The following SPRR4 variants were observed in gnomAD, a reference collection of about 807,000 sequenced individuals.
SPRR4 encodes the protein small proline rich protein 4.
For synonymous variants in SPRR4, 30 were observed against 34.3 expected, an observed-to-expected ratio of 0.87 and a Z score of 0.44; for missense variants, 106 against 91.6, an observed-to-expected ratio of 1.16 and a Z score of -0.64.
At chr1:152,970,005 C>G (rs1014060995), upstream of SPRR4, among the ~76,000 whole-genome samples, 1 of 152,150 alleles carries the variant, frequency 6.6e-6, no homozygotes, top group South Asian at 2.1e-4. Context: ...TGAACTGTCC[C>G]CCTGGAATAG....
Position 152,972,286 on chromosome 1 carries a change from C to T in SPRR4, c.*156C>T, listed in dbSNP as rs539955881. ...AAGCATTGTAAGGATTTCTTCCCAT[C>T]GTACCCTTCCCCACACATACCACCT... On this transcript the variant is annotated 3_prime_UTR_variant, in exon 2 of 2. Coordinates refer to ENST00000328051, the MANE Select transcript of SPRR4 (RefSeq NM_173080.3). The T allele has an allele frequency of 9.3e-5, 117 of 1,255,028 alleles. No homozygotes were observed. The highest frequency in any genetic ancestry group is 4.7e-4 in the Admixed American group (19 of 40,604). The allele number at this position is 1,255,028 out of a possible 1,614,324, so 77.7% of individuals were successfully genotyped here.
upstream of SPRR4, among the ~76,000 whole-genome samples, chr1:152,970,349 T>C (rs73010446): frequency 0.016 from 2,491 of 152,312 alleles, 71 homozygotes; most frequent in African/African-American, 0.056. Context: ...TCAATATTTC[T>C]TATAACTGTC....
upstream of SPRR4, among the ~76,000 whole-genome samples, chr1:152,968,834 C>A (rs1023802472): frequency 9.2e-5 from 14 of 152,218 alleles, no homozygotes; most frequent in Admixed American, 7.8e-4. Flanking sequence ...TGTTCACAGG[C>A]AATACACACA....
At position 152,971,988 on chromosome 1, in the gene SPRR4, A is replaced by C. The variant is rs754195164; in HGVS notation, c.98A>C (p.Lys33Thr). ...CAGCCTTGTCAGCCACCCCCTGTTA[A>C]ATGTCAAGAGACATGTGCACCCAAA... ...VKQPCQPPPVKCQETCAPKTK... is the reference protein window; with the variant it reads ...VKQPCQPPPVTCQETCAPKTK... Residue 33 changes from lysine (K) to threonine (T), a missense_variant, in exon 2 of 2, where the codon AAA becomes ACA. Physicochemically the swap from Lys to Thr is moderately conservative, Grantham distance 78 (BLOSUM62 -1). Coordinates refer to ENST00000328051, the MANE Select transcript of SPRR4 (RefSeq NM_173080.3). The C allele has an allele frequency of 6.2e-7, 1 of 1,613,960 alleles. No individual in the cohort carries two copies. Among genetic ancestry groups the C allele is most frequent in the Admixed American group, 1.7e-5 (1 of 60,004 alleles).
In SPRR4 at chr1:152,972,162, C is replaced by T. The variant is rs1391204671; in HGVS notation, c.*32C>T. The T allele has an allele frequency of 1.2e-6, 2 of 1,613,116 alleles. No homozygotes were observed. The highest frequency in any genetic ancestry group is 1.7e-6 in the Non-Finnish European group (2 of 1,179,282). On this transcript the variant is annotated 3_prime_UTR_variant, in exon 2 of 2. Coordinates refer to ENST00000328051, the MANE Select transcript of SPRR4 (RefSeq NM_173080.3). The stretch of plus-strand genomic sequence containing the variant: ...ACTGGATATTACCATCATCCACCAT[C>T]CTGGCTACCAGATGGAACCTTCTCT...
chr1:152,969,949 C>T (rs796851228), upstream of SPRR4, among the ~76,000 whole-genome samples: 9 of 152,312 alleles, frequency 5.9e-5, no homozygotes, highest in African/African-American at 2.2e-4. Context: ...GCACCATTCA[C>T]ATCATCTTCT....
upstream of SPRR4, among the ~76,000 whole-genome samples, chr1:152,968,751 GA>G (rs1344317185): frequency 6.6e-5 from 10 of 152,218 alleles, no homozygotes; most frequent in Admixed American, 2.6e-4. Context: ...ATGAAATTGG[GA>G]AAAATAGGAG....
At chr1:152,970,876 C>T (rs748159673) in intron 1 of SPRR4, among the ~76,000 whole-genome samples, 182 bp downstream of exon 1, 13 of 152,108 alleles carry the variant, frequency 8.5e-5, no homozygotes, top group Non-Finnish European at 1.5e-4. Flanking sequence ...ATCTCCATTC[C>T]GCACCATTGC....
rs1428933554 is a variant in SPRR4 at position 152,972,538 on chromosome 1, C to T, written c.*408C>T. 3 of 210,040 alleles carry T rather than the reference C, an allele frequency of 1.4e-5. No homozygotes were observed. 13.0% of individuals were successfully genotyped at this position (210,040 alleles called of 1,614,324 possible). ...ATGCCCCCTGCTCTGGGCTTCTCTCCTGTTTTCCCCAATAAATATGTGCCT... is the reference window on the plus strand; with the variant it reads ...ATGCCCCCTGCTCTGGGCTTCTCTCTTGTTTTCCCCAATAAATATGTGCCT... On this transcript the variant is annotated 3_prime_UTR_variant, in exon 2 of 2. Transcript: ENST00000328051.
Position 152,971,880 on chromosome 1 carries a change from T to C in SPRR4, c.-11T>C. On this transcript the variant is annotated 5_prime_UTR_variant, in exon 2 of 2. Coordinates refer to ENST00000328051, the MANE Select transcript of SPRR4 (RefSeq NM_173080.3). Reference sequence around the variant, plus strand: ...GCCCGGTTTCCTTTAGGCTCACCTGTTCCTAGAGCAATGTCTTCCCAGCAG... The same window carrying C: ...GCCCGGTTTCCTTTAGGCTCACCTGCTCCTAGAGCAATGTCTTCCCAGCAG... The C allele has an allele frequency of 6.2e-7, 1 of 1,614,030 alleles. No individual in the cohort carries two copies. The highest frequency in any genetic ancestry group is 8.5e-7 in the Non-Finnish European group (1 of 1,179,984).
At chr1:152,970,485 G>A (rs1261582808), upstream of SPRR4, among the ~76,000 whole-genome samples, 3 of 152,212 alleles carry the variant, frequency 2.0e-5, no homozygotes, top group East Asian at 5.8e-4. Context: ...AAAATATATG[G>A]TGGGTGGCTT....
At chr1:152,970,162 G>A (rs1651788267), upstream of SPRR4, among the ~76,000 whole-genome samples, 1 of 152,142 alleles carries the variant, frequency 6.6e-6, no homozygotes, top group Non-Finnish European at 1.5e-5. Context: ...TGGTAACAAC[G>A]ACACTTTCCC....
Position 152,971,972 on chromosome 1 carries a change from CA to C in SPRR4, c.83del (p.Gln28ArgfsTer82). The C allele has an allele frequency of 6.2e-7, 1 of 1,614,086 alleles. No individual in the cohort carries two copies. The highest frequency in any genetic ancestry group is 2.2e-5 in the East Asian group (1 of 44,866). On this transcript the variant is annotated frameshift_variant, in exon 2 of 2. Transcript: ENST00000328051. LOFTEE classifies it low-confidence loss of function (END_TRUNC). ...AQQQQVKQPC[Q>X]PPPVKCQETC... is the part of the protein sequence containing the mutation. ...GCAGCAGCAAGTGAAGCAGCCTTGT[CA>C]GCCACCCCCTGTTAAATGTCAAGAG...
chr1:152,972,314 G>C lies in SPRR4; in HGVS notation c.*184G>C. ...ACCCTTCCCCACACATACCACCTTG[G>C]CTTCTTCTATATCCCACCCCGATGC... On this transcript the variant is annotated 3_prime_UTR_variant, in exon 2 of 2. Coordinates refer to ENST00000328051, the MANE Select transcript of SPRR4 (RefSeq NM_173080.3). 1 of 1,002,204 alleles carries C rather than the reference G, an allele frequency of 1.0e-6. No individual in the cohort carries two copies. The highest frequency in any genetic ancestry group is 1.5e-6 in the Non-Finnish European group (1 of 689,116). The allele number at this position is 1,002,204 out of a possible 1,614,324, so 62.1% of individuals were successfully genotyped here. A position where few individuals can be genotyped will look rare whatever the true frequency, so the allele number is the denominator to read the frequency against.
chr1:152,972,366 T>C lies in SPRR4; in HGVS notation c.*236T>C. ...CTCCCAGGTGGGTGTGAGAGAGACC[T>C]CATTCTCTGCAGGCTCCAGCGTGGC... On this transcript the variant is annotated 3_prime_UTR_variant, in exon 2 of 2. Transcript: ENST00000328051. The C allele has an allele frequency of 1.6e-6, 1 of 625,922 alleles. No individual in the cohort carries two copies. The highest frequency in any genetic ancestry group is 2.8e-6 in the Non-Finnish European group (1 of 361,738). The allele number at this position is 625,922 out of a possible 1,614,324, so 38.8% of individuals were successfully genotyped here.
At chr1:152,971,659 TG>T (rs1651851634) in intron 1 of SPRR4, among the ~76,000 whole-genome samples, 2 of 151,936 alleles carry the variant, frequency 1.3e-5, no homozygotes, top group African/African-American at 4.8e-5. Flanking sequence ...AGACTGTTTT[TG>T]TCCTCTCCTC....
chr1:152,972,309 C>A lies in SPRR4; in HGVS notation c.*179C>A. The A allele has an allele frequency of 9.5e-7, 1 of 1,054,704 alleles. No individual in the cohort carries two copies. Among genetic ancestry groups the A allele is most frequent in the African/African-American group, 1.6e-5 (1 of 61,588 alleles). 65.3% of individuals were successfully genotyped at this position (1,054,704 alleles called of 1,614,324 possible). A position where few individuals can be genotyped will look rare whatever the true frequency, so the allele number is the denominator to read the frequency against. ...ATCGTACCCTTCCCCACACATACCA[C>A]CTTGGCTTCTTCTATATCCCACCCC... is the stretch of plus-strand genomic sequence containing the variant. On this transcript the variant is annotated 3_prime_UTR_variant, in exon 2 of 2. Coordinates refer to ENST00000328051, the MANE Select transcript of SPRR4 (RefSeq NM_173080.3).
At chr1:152,969,458 C>T (rs1387716456), upstream of SPRR4, among the ~76,000 whole-genome samples, 2 of 152,170 alleles carry the variant, frequency 1.3e-5, no homozygotes, top group Non-Finnish European at 2.9e-5. Flanking sequence ...TCAGGCCATC[C>T]TACCCCTTCC....
At position 152,971,981 on chromosome 1, in the gene SPRR4, C is replaced by G. The variant is rs537281969; in HGVS notation, c.91C>G (p.Pro31Ala). Reference protein sequence around the residue: ...QQVKQPCQPPPVKCQETCAPK... With the variant: ...QQVKQPCQPPAVKCQETCAPK... Reference sequence around the variant, plus strand: ...AGTGAAGCAGCCTTGTCAGCCACCCCCTGTTAAATGTCAAGAGACATGTGC... The same window carrying G: ...AGTGAAGCAGCCTTGTCAGCCACCCGCTGTTAAATGTCAAGAGACATGTGC... The change falls in exon 2 of 2, where the codon CCT (proline) becomes GCT (alanine). Residue 31 changes from proline to alanine, a missense_variant. Coordinates refer to ENST00000328051, the MANE Select transcript of SPRR4 (RefSeq NM_173080.3). 8.7e-6 allele frequency: 14 copies of G among 1,614,054 alleles called. No individual in the cohort carries two copies. In the East Asian group the frequency reaches 2.7e-4, roughly 31 times the overall value.
Sources: gnomAD v4.1 joint callset for allele counts (sites outside exome capture counted in the v4.1 genomes callset) on GRCh38, gnomAD v4.1.1 for gene constraint, MANE v1.5 for transcripts, NCBI Gene and HGNC (gene_info 2026-07-23, HGNC 2026-07-21) for gene names.